The following SPATA6 variants were observed in gnomAD, a reference collection of about 807,000 sequenced individuals.
SPATA6 encodes spermatogenesis-associated protein 6.
In SPATA6, 56 loss-of-function variants were observed where a neutral mutation model predicts 65.3. The observed-to-expected ratio is 0.86, with a 90% confidence interval of 0.69 to 1.07. The LOEUF (loss-of-function observed/expected upper bound fraction) is 1.07, where lower values mean the gene tolerates loss of function less well. SPATA6 is among the 50% of genes least tolerant of loss of function. The pLI is 0.00. For synonymous variants in SPATA6, 199 were observed against 213.2 expected, an observed-to-expected ratio of 0.93 and a Z score of 0.58; for missense variants, 590 against 594.8, an observed-to-expected ratio of 0.99 and a Z score of 0.08.
chr1:48,309,533 T>C (rs549163144), intron 11 of SPATA6, among the ~76,000 whole-genome samples: 40 of 152,318 alleles, frequency 2.6e-4, no homozygotes, highest in Non-Finnish European at 5.0e-4. Context: ...TTATGAGACA[T>C]AATTCTAACA....
At chr1:48,367,442 T>C (rs1433317100) in intron 9 of SPATA6, among the ~76,000 whole-genome samples, 1 of 152,220 alleles carries the variant, frequency 6.6e-6, no homozygotes, top group Non-Finnish European at 1.5e-5. Context: ...AGTCTCTTTG[T>C]AGGTCACTCA....
the SPATA6 span, among the ~76,000 whole-genome samples, chr1:48,283,757 C>A: frequency 7.1e-6 from 1 of 140,278 alleles, no homozygotes; most frequent in African/African-American, 2.7e-5. Context: ...AATATTGGTC[C>A]CCACTCTCTT....
intron 3 of SPATA6, among the ~76,000 whole-genome samples, chr1:48,430,062 G>A (rs1400490273): frequency 6.6e-6 from 1 of 152,048 alleles, no homozygotes; most frequent in Non-Finnish European, 1.5e-5. Context: ...AGAGAAAGGA[G>A]CAAAGAATAT....
chr1:48,285,477 GAA>G, the SPATA6 span, among the ~76,000 whole-genome samples: 77,127 of 127,638 alleles, frequency 0.6, 23,115 homozygotes, highest in Middle Eastern at 0.68. Flanking sequence ...ACTGGGGTAT[GAA>G]AAAAAAAAAA....
chr1:48,385,798 G>A (rs1247358736), intron 8 of SPATA6, among the ~76,000 whole-genome samples: 1 of 152,110 alleles, frequency 6.6e-6, no homozygotes, highest in East Asian at 1.9e-4. Flanking sequence ...GCATACAGTA[G>A]TTTATAGATC....
intron 12 of SPATA6, among the ~76,000 whole-genome samples, chr1:48,302,864 C>T (rs1644973055): frequency 6.6e-6 from 1 of 152,030 alleles, no homozygotes; most frequent in African/African-American, 2.4e-5. Context: ...CTTCAGGCCT[C>T]CTCTGCTTGT....
chr1:48,401,594 G>A (rs934694304), intron 6 of SPATA6, among the ~76,000 whole-genome samples: 2 of 152,094 alleles, frequency 1.3e-5, no homozygotes, highest in African/African-American at 4.8e-5. Flanking sequence ...AAACCTTCCT[G>A]CCATCACATG....
chr1:48,357,907 A>G (rs1646703086), intron 10 of SPATA6, among the ~76,000 whole-genome samples: 1 of 152,308 alleles, frequency 6.6e-6, no homozygotes, highest in East Asian at 1.9e-4. Flanking sequence ...GTTAATTTGT[A>G]TAGGTAAATT....
At chr1:48,283,667 A>G in the SPATA6 span, among the ~76,000 whole-genome samples, 1 of 145,526 alleles carries the variant, frequency 6.9e-6, no homozygotes, top group Non-Finnish European at 1.5e-5. Flanking sequence ...TGACAGAGCA[A>G]GACTCCGTCT....
At chr1:48,269,160 T>A in the SPATA6 span, among the ~76,000 whole-genome samples, 15 of 152,170 alleles carry the variant, frequency 9.9e-5, no homozygotes, top group Non-Finnish European at 2.2e-4. Flanking sequence ...AAATAATTCT[T>A]AATATTTTTC....
chr1:48,275,866 G>T, the SPATA6 span, among the ~76,000 whole-genome samples: 1 of 152,106 alleles, frequency 6.6e-6, no homozygotes. Flanking sequence ...TTATGGAGGA[G>T]TCCCTCTTTT....
At chr1:48,451,203 AGAC>A (rs1656537754) in intron 3 of SPATA6, among the ~76,000 whole-genome samples, 1 of 152,336 alleles carries the variant, frequency 6.6e-6, no homozygotes, top group Middle Eastern at 3.4e-3. Flanking sequence ...CTGAAGTAGA[AGAC>A]ATATTTCTGT....
downstream of SPATA6, among the ~76,000 whole-genome samples, chr1:48,291,891 C>T (rs1644770454): frequency 6.6e-6 from 1 of 152,124 alleles, no homozygotes; most frequent in Non-Finnish European, 1.5e-5. Flanking sequence ...CACCATTTTC[C>T]CCCATTGCTT....
At chr1:48,415,562 C>T in intron 3 of SPATA6, among the ~76,000 whole-genome samples, 1 of 151,164 alleles carries the variant, frequency 6.6e-6, no homozygotes, top group East Asian at 1.9e-4. Context: ...TTAGATGGGA[C>T]ATGGCTGAAG....
chr1:48,455,702 G>T (rs1289157538), intron 1 of SPATA6, among the ~76,000 whole-genome samples: 5 of 152,130 alleles, frequency 3.3e-5, no homozygotes, highest in Non-Finnish European at 7.4e-5. Flanking sequence ...TTTTTTAAAT[G>T]TAGCTATTAG....
intron 11 of SPATA6, among the ~76,000 whole-genome samples, chr1:48,336,048 C>A (rs765880767): frequency 1.3e-5 from 2 of 152,092 alleles, no homozygotes; most frequent in Non-Finnish European, 2.9e-5. Flanking sequence ...TATCACTAAT[C>A]ATTAGAGAAA....
intron 6 of SPATA6, chr1:48,402,513 C>T (rs1651265560): frequency 6.6e-6 from 1 of 152,146 alleles, no homozygotes; most frequent in African/African-American, 2.4e-5. Context: ...TTTTAGAGCT[C>T]TAAAAGCTGT....
downstream of SPATA6, among the ~76,000 whole-genome samples, chr1:48,292,589 G>T (rs1272738853): frequency 6.6e-6 from 1 of 152,252 alleles, no homozygotes; most frequent in Non-Finnish European, 1.5e-5. Flanking sequence ...TTATGTGGTG[G>T]CAAGAGGTGG....
intron 12 of SPATA6, among the ~76,000 whole-genome samples, chr1:48,302,112 C>T (rs948506731): frequency 1.3e-5 from 2 of 152,016 alleles, no homozygotes; most frequent in African/African-American, 2.4e-5. Context: ...GGATTCTTTC[C>T]GATTCTTTGT....
Sources: gnomAD v4.1 joint callset for allele counts (sites outside exome capture counted in the v4.1 genomes callset) on GRCh38, gnomAD v4.1.1 for gene constraint, MANE v1.5 for transcripts, NCBI Gene and HGNC (gene_info 2026-07-23, HGNC 2026-07-21) for gene names.